SLIT3: variants seen among roughly 807,000 people sequenced by gnomAD.
SLIT3 encodes the protein slit guidance ligand 3, also known as slit homolog 3 protein.
A neutral mutation model predicts 184.0 loss-of-function variants in SLIT3; 68 were observed. The ratio of observed to expected loss-of-function variants is 0.37; its 90% CI spans 0.30 to 0.45. SLIT3 has a LOEUF of 0.45. Ranked by LOEUF, SLIT3 falls within the 20% of genes least tolerant of loss-of-function variation. The pLI is 1.00. For missense variants in SLIT3, 1,707 were observed against 2,026.0 expected (o/e 0.84, Z 3.02); for synonymous variants, 831 against 828.6 (o/e 1.00, Z -0.05).
At chr5:168,851,322 C>CAAAAAAAA (rs531233116) in intron 5 of SLIT3, among the ~76,000 whole-genome samples, 2 of 77,182 alleles carry the variant, frequency 2.6e-5, no homozygotes, top group East Asian at 3.7e-4. Context: ...GACTCCGTCT[C>CAAAAAAAA]AAAAAAAAAA....
chr5:168,691,080 G>A (rs1032901997), intron 29 of SLIT3, among the ~76,000 whole-genome samples: 2 of 152,114 alleles, frequency 1.3e-5, no homozygotes, highest in African/African-American at 2.4e-5. Flanking sequence ...AGCCAGAATC[G>A]TGGGGCCTAG....
At chr5:168,926,234 C>T (rs1261236739) in intron 4 of SLIT3, among the ~76,000 whole-genome samples, 6 of 152,014 alleles carry the variant, frequency 3.9e-5, no homozygotes, top group African/African-American at 1.2e-4. Flanking sequence ...CTCTTGGGAG[C>T]GGTGACTTGG....
intron 4 of SLIT3, among the ~76,000 whole-genome samples, chr5:168,979,641 G>T (rs1036770558): frequency 1.3e-5 from 2 of 152,202 alleles, no homozygotes; most frequent in African/African-American, 4.8e-5. Flanking sequence ...GGAGAATGGG[G>T]TGTGTGTTTA....
At chr5:169,127,141 T>C (rs2113303388) in intron 4 of SLIT3, among the ~76,000 whole-genome samples, 1 of 152,134 alleles carries the variant, frequency 6.6e-6, no homozygotes, top group South Asian at 2.1e-4. Flanking sequence ...TCAGTCATCA[T>C]CACAAAAAAA....
At chr5:168,966,167 A>C (rs1026018722) in intron 4 of SLIT3, among the ~76,000 whole-genome samples, 2 of 152,208 alleles carry the variant, frequency 1.3e-5, no homozygotes, top group African/African-American at 4.8e-5. Context: ...TTATCTGATT[A>C]GCATTAGAGA....
At chr5:168,745,660 C>T (rs1163249658) in intron 20 of SLIT3, among the ~76,000 whole-genome samples, 3 of 152,216 alleles carry the variant, frequency 2.0e-5, no homozygotes, top group African/African-American at 7.2e-5. Flanking sequence ...GATCCACCTG[C>T]CTTGGCCTCC....
chr5:168,800,296 A>G (rs527315564), intron 9 of SLIT3, among the ~76,000 whole-genome samples: 1 of 152,308 alleles, frequency 6.6e-6, no homozygotes, highest in Non-Finnish European at 1.5e-5. Context: ...TCAGAAAGGT[A>G]GACTGTTGGC....
chr5:169,141,102 G>C (rs1217716586), intron 4 of SLIT3, among the ~76,000 whole-genome samples: 1 of 152,098 alleles, frequency 6.6e-6, no homozygotes, highest in African/African-American at 2.4e-5. Flanking sequence ...TCAAGACTCA[G>C]CTCGATGCTA....
At chr5:169,004,138 A>G (rs181816981) in intron 4 of SLIT3, among the ~76,000 whole-genome samples, 38 of 152,194 alleles carry the variant, frequency 2.5e-4, no homozygotes, top group African/African-American at 8.4e-4. Flanking sequence ...ACTTTTGGCT[A>G]GAAGCCCACG....
intron 4 of SLIT3, among the ~76,000 whole-genome samples, chr5:169,043,006 G>A (rs878918280): frequency 6.6e-6 from 1 of 152,246 alleles, no homozygotes; most frequent in Admixed American, 6.5e-5. Flanking sequence ...ATTATTTATA[G>A]AATGAGACAT....
chr5:169,253,025 TG>T (rs1352864818), intron 1 of SLIT3, among the ~76,000 whole-genome samples: 7 of 151,906 alleles, frequency 4.6e-5, no homozygotes, highest in Non-Finnish European at 1.0e-4. Flanking sequence ...TGAACTAGCT[TG>T]TGATGGAGAA....
intron 4 of SLIT3, among the ~76,000 whole-genome samples, chr5:168,935,158 A>G (rs1294720168): frequency 2.0e-5 from 3 of 151,660 alleles, no homozygotes; most frequent in Non-Finnish European, 4.4e-5. Flanking sequence ...AACAAAAAAA[A>G]AAACCAACAA....
At chr5:169,257,933 G>T (rs1354849508) in intron 1 of SLIT3, among the ~76,000 whole-genome samples, 1 of 152,116 alleles carries the variant, frequency 6.6e-6, no homozygotes, top group Admixed American at 6.6e-5. Flanking sequence ...AAATGCTGTA[G>T]ATCAGCCTTA....
At chr5:169,128,265 T>C (rs889757480) in intron 4 of SLIT3, among the ~76,000 whole-genome samples, 3 of 134,890 alleles carry the variant, frequency 2.2e-5, no homozygotes, top group Admixed American at 1.4e-4. Flanking sequence ...TATATATACA[T>C]ATATATATTT....
intron 3 of SLIT3, among the ~76,000 whole-genome samples, chr5:169,208,582 C>A (rs1764152896): frequency 6.6e-6 from 1 of 152,160 alleles, no homozygotes; most frequent in Non-Finnish European, 1.5e-5. Flanking sequence ...GGTACCAAAA[C>A]AGATATATAG....
chr5:169,201,467 G>A (rs947353993), intron 3 of SLIT3, among the ~76,000 whole-genome samples: 2 of 152,152 alleles, frequency 1.3e-5, no homozygotes, highest in Non-Finnish European at 2.9e-5. Flanking sequence ...GCTTTGCAAT[G>A]TTTCTCAAGG....
intron 4 of SLIT3, among the ~76,000 whole-genome samples, chr5:168,978,647 G>C (rs909693087): frequency 6.6e-6 from 1 of 152,284 alleles, no homozygotes; most frequent in South Asian, 2.1e-4. Context: ...AGATTATATG[G>C]AAGAAGGTCA....
At chr5:168,861,290 T>A (rs1015346994) in intron 5 of SLIT3, among the ~76,000 whole-genome samples, 1 of 151,748 alleles carries the variant, frequency 6.6e-6, no homozygotes, top group Admixed American at 6.6e-5. Context: ...CAGTGTGTGA[T>A]GTTCCCCTTC....
At chr5:168,795,146 C>A (rs929709370) in intron 10 of SLIT3, among the ~76,000 whole-genome samples, 1 of 152,192 alleles carries the variant, frequency 6.6e-6, no homozygotes, top group African/African-American at 2.4e-5. Flanking sequence ...GCTGCGGGGC[C>A]ACCATCACAT....
Sources: allele counts gnomAD v4.1 joint callset (sites outside exome capture counted in the v4.1 genomes callset), GRCh38; gene constraint gnomAD v4.1.1; transcripts MANE v1.5; gene names NCBI Gene and HGNC (gene_info 2026-07-23, HGNC 2026-07-21).